The following RIMS1 variants were observed in gnomAD, a reference collection of about 807,000 sequenced individuals.
RIMS1 encodes the protein regulating synaptic membrane exocytosis 1.
RIMS1 carries 83 observed loss-of-function variants against 214.1 expected under a neutral mutation model. The observed-to-expected ratio is 0.39, with a 90% CI of 0.32 to 0.47. The LOEUF is 0.47. RIMS1 is among the 20% of genes least tolerant of loss of function. RIMS1 has a pLI of 0.99. For missense variants in RIMS1, 2,050 were observed against 2,161.8 expected (o/e 0.95, Z 1.03); for synonymous variants, 793 against 786.8 (o/e 1.01, Z -0.13).
intron 4 of RIMS1, among the ~76,000 whole-genome samples, chr6:72,163,200 A>G (rs6453576): frequency 0.97 from 135,748 of 139,358 alleles, 66,413 homozygotes; most frequent in South Asian, 1. Context: ...TTCTGCATTC[A>G]TCACATAGTT....
chr6:72,168,732 T>G (rs1412478537), intron 4 of RIMS1, among the ~76,000 whole-genome samples: 2 of 150,804 alleles, frequency 1.3e-5, no homozygotes, highest in Non-Finnish European at 3.0e-5. Context: ...TTTTTTTTTT[T>G]TTTTTTTTTT....
At chr6:72,229,607 A>T (rs1183321130) in intron 6 of RIMS1, among the ~76,000 whole-genome samples, 1 of 151,780 alleles carries the variant, frequency 6.6e-6, no homozygotes, top group Non-Finnish European at 1.5e-5. Flanking sequence ...CTCCTCTATT[A>T]TGTATAATTT....
At chr6:72,349,406 A>G (rs2097370053) in intron 29 of RIMS1, among the ~76,000 whole-genome samples, 1 of 152,074 alleles carries the variant, frequency 6.6e-6, no homozygotes, top group Admixed American at 6.6e-5. Flanking sequence ...AAGAGATTAA[A>G]ACTTATTTGT....
chr6:72,153,279 T>C (rs2043984777), intron 4 of RIMS1, among the ~76,000 whole-genome samples: 1 of 94,774 alleles, frequency 1.1e-5, no homozygotes, highest in Non-Finnish European at 2.8e-5. Context: ...GACTGGTTGA[T>C]TTTTTTTCAT....
chr6:71,985,921 A>G (rs974091532), intron 2 of RIMS1, among the ~76,000 whole-genome samples: 3 of 152,202 alleles, frequency 2.0e-5, no homozygotes, highest in African/African-American at 7.2e-5. Context: ...CCTCCTAGGC[A>G]GGGTTAGTCT....
intron 1 of RIMS1, among the ~76,000 whole-genome samples, chr6:71,893,735 C>A (rs557212644): frequency 6.6e-6 from 1 of 152,230 alleles, no homozygotes; most frequent in African/African-American, 2.4e-5. Context: ...GATTACTTTT[C>A]TGTGGACAGC....
intron 2 of RIMS1, among the ~76,000 whole-genome samples, chr6:72,054,803 T>C (rs1340703162): frequency 6.6e-6 from 1 of 152,228 alleles, no homozygotes; most frequent in South Asian, 2.1e-4. Context: ...TTGTTTAAGT[T>C]CCTTATAGAT....
At chr6:72,210,952 G>C (rs939038070) in intron 6 of RIMS1, among the ~76,000 whole-genome samples, 2 of 152,172 alleles carry the variant, frequency 1.3e-5, no homozygotes, top group Non-Finnish European at 2.9e-5. Context: ...GAAATATTAT[G>C]CAAGGCCGAC....
intron 31 of RIMS1, among the ~76,000 whole-genome samples, chr6:72,394,245 C>G (rs1018557392): frequency 2.0e-5 from 3 of 151,942 alleles, no homozygotes; most frequent in Non-Finnish European, 2.9e-5. Context: ...CCAGGAGAAA[C>G]TAAGATTTGA....
chr6:72,115,958 G>T (rs1232445380), intron 4 of RIMS1, among the ~76,000 whole-genome samples: 2 of 151,852 alleles, frequency 1.3e-5, no homozygotes, highest in African/African-American at 4.8e-5. Context: ...ACTATGGCTA[G>T]CAGAAATAAT....
intron 29 of RIMS1, among the ~76,000 whole-genome samples, chr6:72,379,775 T>C (rs1191914623): frequency 6.6e-6 from 1 of 152,146 alleles, no homozygotes; most frequent in East Asian, 1.9e-4. Context: ...AAAGGCTCAG[T>C]AGGCTGCCTG....
rs180682682 is a variant in RIMS1 at position 72,182,270 on chromosome 6, T to G, written c.813-14T>G. On this transcript the variant is annotated splice_polypyrimidine_tract_variant and intron_variant, in intron 5 of 33. Coordinates refer to ENST00000521978, the MANE Select transcript of RIMS1 (RefSeq NM_014989.7). ...TATAAATTGCTCTCCTTGACGTTCCTTTGTATATCATAGAAAGAAGACCCC... is the reference window on the plus strand; with the variant it reads ...TATAAATTGCTCTCCTTGACGTTCCGTTGTATATCATAGAAAGAAGACCCC... 168 of 1,548,722 alleles carry G rather than the reference T, an allele frequency of 1.1e-4. No individual in the cohort carries two copies. In the African/African-American group the frequency reaches 2.1e-3, roughly 20 times the overall value.
intron 11 of RIMS1, 46 bp from the exon 12 acceptor site, chr6:72,247,969 A>G: frequency 1.6e-6 from 2 of 1,253,866 alleles, no homozygotes; most frequent in Non-Finnish European, 2.3e-6. Flanking sequence ...TATTAAAAAT[A>G]TTTCCTACAC....
chr6:72,037,917 T>G (rs895326814), intron 2 of RIMS1, among the ~76,000 whole-genome samples: 2 of 151,108 alleles, frequency 1.3e-5, no homozygotes, highest in Admixed American at 6.6e-5. Flanking sequence ...TTGGTATTAC[T>G]TGGCATATAT....
At chr6:72,356,611 T>C (rs2097653916) in intron 29 of RIMS1, among the ~76,000 whole-genome samples, 1 of 150,448 alleles carries the variant, frequency 6.6e-6, no homozygotes, top group Admixed American at 6.6e-5. Flanking sequence ...ATACAAAAAA[T>C]TAGCTGGGTG....
At chr6:72,399,339 C>T (rs2098814220) in intron 33 of RIMS1, among the ~76,000 whole-genome samples, 1 of 151,506 alleles carries the variant, frequency 6.6e-6, no homozygotes, top group Admixed American at 6.6e-5. Context: ...CTCTCTCTAT[C>T]CTCTCCTTCT....
chr6:71,914,495 G>A (rs1768896420), intron 1 of RIMS1, among the ~76,000 whole-genome samples: 2 of 152,122 alleles, frequency 1.3e-5, no homozygotes, highest in South Asian at 4.1e-4. Context: ...TAGAATTAGG[G>A]TGTGATTAAA....
intron 29 of RIMS1, among the ~76,000 whole-genome samples, chr6:72,350,521 G>T (rs2154369162): frequency 6.6e-6 from 1 of 152,242 alleles, no homozygotes. Context: ...GCACAATACA[G>T]CAGGCAGCTT....
chr6:72,005,044 T>C (rs1265911912), intron 2 of RIMS1, among the ~76,000 whole-genome samples: 9 of 151,458 alleles, frequency 5.9e-5, no homozygotes, highest in Non-Finnish European at 1.0e-4. Flanking sequence ...AATTAATTTT[T>C]GTATAAGGTG....
Sources: gnomAD v4.1 joint callset for allele counts (sites outside exome capture counted in the v4.1 genomes callset) on GRCh38, gnomAD v4.1.1 for gene constraint, MANE v1.5 for transcripts, NCBI Gene and HGNC (gene_info 2026-07-23, HGNC 2026-07-21) for gene names.